GRK3: variants seen among roughly 807,000 people sequenced by gnomAD.
The protein encoded by GRK3 is G protein-coupled receptor kinase 3.
Under a neutral mutation model 95.7 loss-of-function variants are expected in GRK3, and 54 were observed. That is an observed-to-expected ratio of 0.56 (90% CI 0.45 to 0.71). GRK3 has a LOEUF of 0.71. Among genes scored for constraint, GRK3 ranks in the 30% least tolerant of loss-of-function variants. The pLI is 0.00. For synonymous variants in GRK3, 281 were observed against 290.8 expected, an observed-to-expected ratio of 0.97 and a Z score of 0.34; for missense variants, 649 against 851.2, an observed-to-expected ratio of 0.76 and a Z score of 2.96.
At chr22:25,717,049 G>T (rs1327117629) in intron 18 of GRK3, among the ~76,000 whole-genome samples, 1 of 152,204 alleles carries the variant, frequency 6.6e-6, no homozygotes, top group Admixed American at 6.5e-5. Context: ...CCACTAAACT[G>T]GTCCCCGGTG....
chr22:25,650,138 GCACCCTGTAATCCCAGTGC>G (rs1047527157), intron 3 of GRK3, among the ~76,000 whole-genome samples: 1 of 151,780 alleles, frequency 6.6e-6, no homozygotes, highest in Non-Finnish European at 1.5e-5. Flanking sequence ...ATTACAGGTA[GCACCCTGTAATCCCAGTGC>G]CACCCTGTAA....
intron 2 of GRK3, among the ~76,000 whole-genome samples, chr22:25,619,607 C>T (rs1254781518): frequency 2.6e-5 from 4 of 151,340 alleles, no homozygotes; most frequent in African/African-American, 9.7e-5. Flanking sequence ...TCTCAGCCTC[C>T]AGGGTAGCTA....
intron 15 of GRK3, among the ~76,000 whole-genome samples, chr22:25,704,903 C>G (rs2085287875): frequency 6.6e-6 from 1 of 152,118 alleles, no homozygotes; most frequent in South Asian, 2.1e-4. Flanking sequence ...TCTCCTGCCC[C>G]AAAACACTCT....
At chr22:25,690,112 G>T in intron 11 of GRK3, 77 bp from the exon 12 acceptor site, 1 of 973,732 alleles carries the variant, frequency 1.0e-6, no homozygotes, top group Non-Finnish European at 1.6e-6. Context: ...GAGATATCAG[G>T]TGTCTGCACT....
chr22:25,655,404 C>G (rs1033005197), intron 3 of GRK3, among the ~76,000 whole-genome samples: 1 of 152,188 alleles, frequency 6.6e-6, no homozygotes, highest in Non-Finnish European at 1.5e-5. Flanking sequence ...AATGCTGCTG[C>G]TTCGCTTGTT....
At chr22:25,692,538 G>A (rs1008229762) in intron 12 of GRK3, among the ~76,000 whole-genome samples, 6 of 152,222 alleles carry the variant, frequency 3.9e-5, no homozygotes, top group Non-Finnish European at 4.4e-5. Context: ...CTCCTCGAAC[G>A]AGCAGCCCTG....
chr22:25,582,568 A>C (rs1932138175), intron 1 of GRK3, among the ~76,000 whole-genome samples: 1 of 152,204 alleles, frequency 6.6e-6, no homozygotes, highest in Non-Finnish European at 1.5e-5. Flanking sequence ...AAATGGGCAA[A>C]AATAACCAAT....
In GRK3 at chr22:25,726,215, AAAATTTC is replaced by A. The variant is rs2085472816; in HGVS notation, c.*3767_*3773del. ...AAAGTGTGGTTTTTCTCTGCTTTTT[AAAATTTC>A]ACTCGGAATTTGTAGCTGGGCCAAT... is the stretch of plus-strand genomic sequence containing the variant. On this transcript the variant is annotated 3_prime_UTR_variant, in exon 21 of 21. Coordinates refer to ENST00000324198, the MANE Select transcript of GRK3 (RefSeq NM_005160.4). The A allele has an allele frequency of 6.6e-6, 1 of 152,254 alleles. No homozygotes were observed. Among genetic ancestry groups the A allele is most frequent in the South Asian group, 2.1e-4 (1 of 4,830 alleles). The allele number at this position is 152,254 out of a possible 1,614,324, so 9.4% of individuals were successfully genotyped here.
intron 9 of GRK3, among the ~76,000 whole-genome samples, chr22:25,680,230 A>G (rs1016837196): frequency 6.6e-6 from 1 of 152,176 alleles, no homozygotes; most frequent in Non-Finnish European, 1.5e-5. Context: ...TTGACCTCCC[A>G]CTGTATGGGC....
intron 2 of GRK3, among the ~76,000 whole-genome samples, chr22:25,637,390 C>G (rs1376731469): frequency 1.3e-5 from 2 of 152,246 alleles, no homozygotes; most frequent in East Asian, 3.9e-4. Flanking sequence ...TCTGGAGAAC[C>G]CTGACTAATA....
intron 2 of GRK3, among the ~76,000 whole-genome samples, chr22:25,640,550 C>G (rs1403855326): frequency 6.6e-6 from 1 of 152,176 alleles, no homozygotes; most frequent in Non-Finnish European, 1.5e-5. Context: ...TCCTTACTGT[C>G]TTAATCTCCT....
chr22:25,722,207 G>T, intron 20 of GRK3, 82 bp from the exon 21 acceptor site: 2 of 1,515,416 alleles, frequency 1.3e-6, no homozygotes, highest in Non-Finnish European at 1.8e-6. Context: ...TTCCAGGGAC[G>T]CTGGTAATCA....
At chr22:25,678,553 A>G (rs1220670984) in intron 8 of GRK3, among the ~76,000 whole-genome samples, 1 of 152,264 alleles carries the variant, frequency 6.6e-6, no homozygotes, top group Non-Finnish European at 1.5e-5. Flanking sequence ...TCATAATAAA[A>G]TTATTTATGT....
intron 1 of GRK3, among the ~76,000 whole-genome samples, chr22:25,570,024 C>G (rs887004944): frequency 6.6e-6 from 1 of 152,166 alleles, no homozygotes. Flanking sequence ...CCACCAAAAA[C>G]GAATACCAAA....
rs541863930 is a variant in GRK3, at chr22:25,666,157, A to G, written c.442-1582A>G. Reference sequence around the variant, plus strand: ...GTTCTTTCTGTTGAAAAGTGGCAGCATGGTAGATTCTACGTAGTCTTAGGA... The same window carrying G: ...GTTCTTTCTGTTGAAAAGTGGCAGCGTGGTAGATTCTACGTAGTCTTAGGA... On this transcript the variant is annotated intron_variant, in intron 5 of 20. Coordinates refer to ENST00000324198, the MANE Select transcript of GRK3 (RefSeq NM_005160.4). 5.9e-5 allele frequency among the ~76,000 whole-genome samples: 9 copies of G among 152,340 alleles called. No individual in the cohort carries two copies. In the East Asian group the frequency reaches 7.7e-4, roughly 13 times the overall value.
At chr22:25,624,273 C>T (rs548106589) in intron 2 of GRK3, among the ~76,000 whole-genome samples, 1 of 152,132 alleles carries the variant, frequency 6.6e-6, no homozygotes, top group South Asian at 2.1e-4. Flanking sequence ...GCTTAAAACC[C>T]TGATTTCTGG....
At chr22:25,628,065 C>T (rs7292808) in intron 2 of GRK3, among the ~76,000 whole-genome samples, 18 of 152,106 alleles carry the variant, frequency 1.2e-4, no homozygotes, top group African/African-American at 1.9e-4. Flanking sequence ...GTCATTAAAA[C>T]GGGGAAACAG....
intron 4 of GRK3, among the ~76,000 whole-genome samples, chr22:25,662,609 G>A (rs1711301051): frequency 6.6e-6 from 1 of 152,134 alleles, no homozygotes; most frequent in Non-Finnish European, 1.5e-5. Context: ...TCTTTCTTGC[G>A]GCATGCACTG....
Position 25,601,917 on chromosome 22 carries a change from G to T in GRK3, c.114-2460G>T, listed in dbSNP as rs189301837. Among the ~76,000 whole-genome samples the T allele has an allele frequency of 1.8e-4, 27 of 152,312 alleles. 1 individual carries two copies. The highest frequency in any genetic ancestry group is 1.6e-3 in the Admixed American group (25 of 15,300). On this transcript the variant is annotated intron_variant, in intron 1 of 20. Transcript: ENST00000324198. ...AGAAAATATAGCTTACAGTCTTCAT[G>T]ACCTTGAGGCATGAAAGACTTCTTA...
Sources: gnomAD v4.1 joint callset for allele counts (sites outside exome capture counted in the v4.1 genomes callset) on GRCh38, gnomAD v4.1.1 for gene constraint, MANE v1.5 for transcripts, NCBI Gene and HGNC (gene_info 2026-07-23, HGNC 2026-07-21) for gene names.